CASK: variants seen among roughly 807,000 people sequenced by gnomAD.
The protein encoded by CASK is calcium/calmodulin dependent serine protein kinase.
CASK carries 4 observed loss-of-function variants against 82.9 expected under a neutral mutation model. The ratio of observed to expected loss-of-function variants is 0.05; its 90% CI spans 0.02 to 0.11. CASK has a LOEUF of 0.11. Among genes scored for constraint, CASK ranks in the 10% least tolerant of loss-of-function variants. CASK has a pLI of 1.00. For synonymous variants in CASK, 259 were observed against 253.5 expected, an observed-to-expected ratio of 1.02 and a Z score of -0.20; for missense variants, 358 against 720.9, an observed-to-expected ratio of 0.50 and a Z score of 5.76.
chrX:41,520,465 G>C lies in CASK; in HGVS notation c.2736C>G (p.Leu912=). The change falls in exon 27 of 27, where the codon CTC becomes CTG. Residue 912 remains leucine (L), a synonymous_variant. Coordinates refer to ENST00000378163, the MANE Select transcript of CASK (RefSeq NM_001367721.1). ...TIRHLEEAVE[L]VCTAPQWVPV... is the part of the protein sequence containing the mutation. The stretch of plus-strand genomic sequence containing the variant: ...GGACCCACTGTGGGGCTGTGCACAC[G>C]AGCTCAACAGCTTCCTCCAGATGTC... 1.7e-6 allele frequency: 2 copies of C among 1,209,516 alleles called. No individual in the cohort carries two copies. Among genetic ancestry groups the C allele is most frequent in the Middle Eastern group, 2.4e-4 (1 of 4,211 alleles).
At chrX:41,805,768 A>T (rs2070108038) in intron 2 of CASK, among the ~76,000 whole-genome samples, 1 of 111,489 alleles carries the variant, frequency 9.0e-6, no homozygotes, top group South Asian at 3.8e-4. Flanking sequence ...ACTGGAGGAC[A>T]GGCAAAGAAA....
intron 8 of CASK, among the ~76,000 whole-genome samples, chrX:41,642,524 G>T (rs777275578): frequency 0.02 from 2,202 of 111,806 alleles, 26 homozygotes; most frequent in Admixed American, 0.047. Flanking sequence ...TCAGGTGTCT[G>T]TTGGCTGCAT....
chrX:41,653,834 G>A (rs1410115734), intron 8 of CASK, among the ~76,000 whole-genome samples: 1 of 112,341 alleles, frequency 8.9e-6, no homozygotes. Flanking sequence ...GGCATGTTTG[G>A]GTTGATGCAG....
intron 22 of CASK, among the ~76,000 whole-genome samples, chrX:41,535,846 CA>C (rs1282796961): frequency 8.9e-6 from 1 of 111,987 alleles, no homozygotes; most frequent in African/African-American, 3.2e-5. Context: ...AAGCAATGTA[CA>C]AAACTTTCCT....
rs373262577 is a variant in CASK, at chrX:41,893,641, G to A, written c.59+29289C>T. Among the ~76,000 whole-genome samples the A allele has an allele frequency of 1.2e-4, 14 of 112,344 alleles. No individual in the cohort carries two copies. The East Asian group carries it at 2.2e-3, about 18-fold the overall frequency. ...CTTTTAAACTGCCTGAACTTTCAAC[G>A]TATGCCCCAACCCACACAGAGATTC... On this transcript the variant is annotated intron_variant, in intron 1 of 26. Coordinates refer to ENST00000378163, the MANE Select transcript of CASK (RefSeq NM_001367721.1).
At chrX:41,639,273 C>T (rs2147377490) in intron 8 of CASK, among the ~76,000 whole-genome samples, 1 of 109,221 alleles carries the variant, frequency 9.2e-6, no homozygotes, top group African/African-American at 3.3e-5. Context: ...GGGGTTTCAC[C>T]ATGTTGGGCA....
chrX:41,592,176 G>A (rs1049901368), intron 12 of CASK, among the ~76,000 whole-genome samples: 1 of 102,368 alleles, frequency 9.8e-6, no homozygotes, highest in East Asian at 3.1e-4. Context: ...AGCTATGATC[G>A]CATCACTGCA....
chrX:41,625,466 G>A (rs1265448726), intron 10 of CASK, among the ~76,000 whole-genome samples: 1 of 110,690 alleles, frequency 9.0e-6, no homozygotes, highest in Non-Finnish European at 1.9e-5. Flanking sequence ...GATTACAGGC[G>A]TGAGCCACTG....
Position 41,916,013 on chromosome X carries a change from A to G in CASK, c.59+6917T>C, listed in dbSNP as rs775247859. On this transcript the variant is annotated intron_variant, in intron 1 of 26. Coordinates refer to ENST00000378163, the MANE Select transcript of CASK (RefSeq NM_001367721.1). ...AAAACACACACACACACACACACAC[A>G]CACGCACACACAAATTAGCCAGGCG... Among the ~76,000 whole-genome samples the G allele has an allele frequency of 1.2e-4, 13 of 106,538 alleles. No homozygotes were observed. The South Asian group carries it at 5.2e-3, about 43-fold the overall frequency. The allele number at this position is 106,538 out of a possible 115,157, so 92.5% of individuals were successfully genotyped here.
At chrX:41,817,038 A>T (rs768692339) in intron 2 of CASK, among the ~76,000 whole-genome samples, 3 of 112,015 alleles carry the variant, frequency 2.7e-5, no homozygotes, top group Non-Finnish European at 5.6e-5. Context: ...AAAGAAAACT[A>T]GAGGCCAATA....
Position 41,527,158 on chromosome X carries a change from C to T in CASK, c.2521-3124G>A, listed in dbSNP as rs148265673. Among the ~76,000 whole-genome samples, 228 of 108,826 alleles carry T rather than the reference C, an allele frequency of 2.1e-3. 3 individuals are homozygous for T. The highest frequency in any genetic ancestry group is 7.3e-3 in the African/African-American group (213 of 29,021). The allele number at this position is 108,826 out of a possible 115,157, so 94.5% of individuals were successfully genotyped here. On this transcript the variant is annotated intron_variant, in intron 25 of 26. Transcript: ENST00000378163. ...ATGTTCATGGGCAAATATTTCTCTCCGAATCTCTCTGGGATTCGGAGAGAG... is the reference window on the plus strand; with the variant it reads ...ATGTTCATGGGCAAATATTTCTCTCTGAATCTCTCTGGGATTCGGAGAGAG...
At position 41,705,482 on chromosome X, in the gene CASK, G is replaced by T. The variant is rs778389588; in HGVS notation, c.429+33902C>A. Among the ~76,000 whole-genome samples, 139 of 111,590 alleles carry T rather than the reference G, an allele frequency of 1.2e-3. 2 individuals carry two copies. Among genetic ancestry groups the T allele is most frequent in the African/African-American group, 4.4e-3 (135 of 30,677 alleles). ...AGGTGGGAGGATCACTTGAGCCCAG[G>T]AGTTTGAGGCTACAGTGAACTACGA... On this transcript the variant is annotated intron_variant, in intron 5 of 26. Coordinates refer to ENST00000378163, the MANE Select transcript of CASK (RefSeq NM_001367721.1).
At chrX:41,649,968 G>A (rs1441631988) in intron 8 of CASK, among the ~76,000 whole-genome samples, 1 of 111,534 alleles carries the variant, frequency 9.0e-6, no homozygotes, top group Non-Finnish European at 1.9e-5. Context: ...AGGATAGTTA[G>A]CTCTTCTTGT....
chrX:41,875,364 T>C (rs764052807), intron 1 of CASK, among the ~76,000 whole-genome samples: 1 of 111,819 alleles, frequency 8.9e-6, no homozygotes, highest in African/African-American at 3.2e-5. Context: ...CTGTAGAGCA[T>C]TTGCGAAATC....
At chrX:41,564,760 C>T (rs1285104592) in intron 16 of CASK, among the ~76,000 whole-genome samples, 3 of 111,766 alleles carry the variant, frequency 2.7e-5, no homozygotes, top group African/African-American at 9.8e-5. Context: ...GAACCCTCCA[C>T]CCAAAATCAA....
intron 22 of CASK, among the ~76,000 whole-genome samples, chrX:41,536,838 G>A (rs937484778): frequency 7.2e-5 from 8 of 111,789 alleles, no homozygotes; most frequent in Non-Finnish European, 1.3e-4. Context: ...TACTGCAGTA[G>A]TAATGGAGTG....
At chrX:41,866,092 C>T (rs1231929903) in intron 1 of CASK, among the ~76,000 whole-genome samples, 1 of 112,588 alleles carries the variant, frequency 8.9e-6, no homozygotes, top group Non-Finnish European at 1.9e-5. Context: ...ACAGAGCAGA[C>T]CACAGGGGCT....
At chrX:41,797,129 CA>C (rs767695002) in intron 2 of CASK, among the ~76,000 whole-genome samples, 7 of 100,368 alleles carry the variant, frequency 7.0e-5, no homozygotes, top group Admixed American at 6.4e-4. Context: ...GCTTCTTAGT[CA>C]AACAATTTAG....
chrX:41,814,297 T>A (rs753644055), intron 2 of CASK, among the ~76,000 whole-genome samples: 20 of 111,756 alleles, frequency 1.8e-4, no homozygotes, highest in African/African-American at 6.5e-4. Context: ...TGCACAAGTA[T>A]GTTTATTGCG....
Sources: gnomAD v4.1 joint callset for allele counts (sites outside exome capture counted in the v4.1 genomes callset) on GRCh38, gnomAD v4.1.1 for gene constraint, MANE v1.5 for transcripts, NCBI Gene and HGNC (gene_info 2026-07-23, HGNC 2026-07-21) for gene names.